The following FSTL4 variants were observed in gnomAD, a reference collection of about 807,000 sequenced individuals.
The protein encoded by FSTL4 is follistatin-related protein 4.
In FSTL4, 28 loss-of-function variants were observed where a neutral mutation model predicts 78.2. The ratio of observed to expected loss-of-function variants is 0.36; its 90% CI spans 0.27 to 0.49. The LOEUF (loss-of-function observed/expected upper bound fraction) is 0.49, where lower values mean the gene tolerates loss of function less well. Ranked by LOEUF, FSTL4 falls within the 20% of genes least tolerant of loss-of-function variation. FSTL4 has a pLI of 0.98. For missense variants in FSTL4, 922 were observed against 1,084.9 expected, an observed-to-expected ratio of 0.85 and a Z score of 2.11; for synonymous variants, 422 against 440.5, an observed-to-expected ratio of 0.96 and a Z score of 0.53.
chr5:133,716,679 C>T, the FSTL4 span, among the ~76,000 whole-genome samples: 90 of 152,210 alleles, frequency 5.9e-4, 1 homozygote, highest in East Asian at 3.3e-3. Flanking sequence ...TGAATTCTGA[C>T]GTCATAAATT....
At chr5:133,502,147 G>A (rs925428711) in intron 3 of FSTL4, among the ~76,000 whole-genome samples, 1 of 152,194 alleles carries the variant, frequency 6.6e-6, no homozygotes, top group Non-Finnish European at 1.5e-5. Context: ...CATTCCCAAT[G>A]CTTTAAGCCA....
the FSTL4 span, among the ~76,000 whole-genome samples, chr5:133,717,532 A>G: frequency 6.6e-6 from 1 of 152,230 alleles, no homozygotes; most frequent in Non-Finnish European, 1.5e-5. Flanking sequence ...ATCAAAATAT[A>G]GAAAGTCTCC....
At chr5:133,291,123 A>G (rs1216256530) in intron 6 of FSTL4, among the ~76,000 whole-genome samples, 2 of 152,238 alleles carry the variant, frequency 1.3e-5, no homozygotes, top group Non-Finnish European at 2.9e-5. Flanking sequence ...TACAATGGGA[A>G]GGGGGAAAGT....
At chr5:133,334,283 T>G (rs546896961) in intron 4 of FSTL4, among the ~76,000 whole-genome samples, 35 of 152,376 alleles carry the variant, frequency 2.3e-4, no homozygotes, top group African/African-American at 6.7e-4. Context: ...TGGGTCGTTC[T>G]CTTCCACACT....
At chr5:133,627,115 C>G in the FSTL4 span, among the ~76,000 whole-genome samples, 1 of 149,644 alleles carries the variant, frequency 6.7e-6, no homozygotes. Context: ...GGTAGACTAA[C>G]CCTTTTACCA....
At chr5:133,266,331 G>A (rs1752640024) in intron 6 of FSTL4, among the ~76,000 whole-genome samples, 1 of 152,264 alleles carries the variant, frequency 6.6e-6, no homozygotes, top group Non-Finnish European at 1.5e-5. Context: ...GGGCAGAACG[G>A]CTTTGTGCTG....
intron 6 of FSTL4, among the ~76,000 whole-genome samples, chr5:133,307,433 AC>A (rs1442199906): frequency 6.6e-6 from 1 of 151,946 alleles, no homozygotes; most frequent in Non-Finnish European, 1.5e-5. Context: ...CTAAATCCTG[AC>A]TCTGCTACCT....
At chr5:133,804,805 A>T in the FSTL4 span, among the ~76,000 whole-genome samples, 3 of 151,870 alleles carry the variant, frequency 2.0e-5, no homozygotes, top group African/African-American at 7.3e-5. Context: ...TTAGCCGGGC[A>T]TTGTGGCGGG....
chr5:133,740,784 C>T, the FSTL4 span, among the ~76,000 whole-genome samples: 1 of 152,138 alleles, frequency 6.6e-6, no homozygotes, highest in Admixed American at 6.5e-5. Context: ...CCATTTCCTA[C>T]TTCTGGGTGG....
chr5:133,775,734 C>T, the FSTL4 span, among the ~76,000 whole-genome samples: 1 of 152,226 alleles, frequency 6.6e-6, no homozygotes, highest in South Asian at 2.1e-4. Context: ...TGACCCACAC[C>T]TCATAGGGAA....
intron 3 of FSTL4, among the ~76,000 whole-genome samples, chr5:133,485,931 C>A (rs1433128420): frequency 1.3e-5 from 2 of 152,156 alleles, no homozygotes; most frequent in African/African-American, 4.8e-5. Flanking sequence ...GTGGCAAATC[C>A]CAATTTTCTC....
rs536241542 is a variant in FSTL4 at position 133,199,461 on chromosome 5, C to T, written c.2163G>A (p.Glu721=). Residue 721 remains glutamate, a synonymous_variant, in exon 16 of 16, where the codon GAG becomes GAA. Transcript: ENST00000265342. The surrounding 1 kb of genome is among the most constrained non-coding windows in gnomAD (Gnocchi z 4.4). ...TTTGCAGGTCATACAGGGTCTGGAT[C>T]TCGCCCCGCACTGTGATCTCCTGCA... The part of the protein sequence containing the change: ...LHVQEITVRG[E]IQTLYDLQIN... The T allele has an allele frequency of 6.2e-7, 1 of 1,614,210 alleles. No individual in the cohort carries two copies. The highest frequency in any genetic ancestry group is 2.2e-5 in the East Asian group (1 of 44,882).
intron 8 of FSTL4, 104 bp downstream of exon 8, chr5:133,233,313 G>T: frequency 7.9e-7 from 1 of 1,262,790 alleles, no homozygotes; most frequent in Non-Finnish European, 1.1e-6. Flanking sequence ...TTTGGGGTTA[G>T]ATATTTCTTT....
chr5:133,603,833 T>C, intron 2 of FSTL4, 25 bp downstream of exon 2: 1 of 1,611,900 alleles, frequency 6.2e-7, no homozygotes, highest in Non-Finnish European at 8.5e-7. Context: ...TTTGAAATGT[T>C]ATGTCCGCAG....
the FSTL4 span, among the ~76,000 whole-genome samples, chr5:133,676,142 G>A: frequency 6.6e-6 from 1 of 152,164 alleles, no homozygotes; most frequent in Admixed American, 6.5e-5. Flanking sequence ...ACACAATATG[G>A]GGTGGGAGGA....
At chr5:133,316,088 T>C (rs556145227) in intron 5 of FSTL4, among the ~76,000 whole-genome samples, 1 of 152,214 alleles carries the variant, frequency 6.6e-6, no homozygotes, top group African/African-American at 2.4e-5. Flanking sequence ...AGCAGTGATG[T>C]CCTAAGGTAG....
At chr5:133,617,956 CAGA>C in the FSTL4 span, among the ~76,000 whole-genome samples, 3 of 152,158 alleles carry the variant, frequency 2.0e-5, no homozygotes, top group East Asian at 5.8e-4. Context: ...CAAAGAGTTG[CAGA>C]AGAAGGAGAG....
At chr5:133,753,612 C>T in the FSTL4 span, among the ~76,000 whole-genome samples, 1 of 152,124 alleles carries the variant, frequency 6.6e-6, no homozygotes, top group African/African-American at 2.4e-5. Flanking sequence ...AGCTGTACCA[C>T]TCAATAACTA....
intron 3 of FSTL4, among the ~76,000 whole-genome samples, chr5:133,540,784 A>G (rs1339186327): frequency 6.6e-6 from 1 of 151,812 alleles, no homozygotes; most frequent in Non-Finnish European, 1.5e-5. Flanking sequence ...GGTACTTTCT[A>G]AGTTCTGTCT....
Sources: allele counts gnomAD v4.1 joint callset (sites outside exome capture counted in the v4.1 genomes callset), GRCh38; gene constraint gnomAD v4.1.1; non-coding constraint Gnocchi (gnomAD v3.1); transcripts MANE v1.5; gene names NCBI Gene and HGNC (gene_info 2026-07-23, HGNC 2026-07-21).